RBFOX3: variants seen among roughly 807,000 people sequenced by gnomAD.
The protein encoded by RBFOX3 is RNA binding fox-1 homolog 3.
In RBFOX3, 17 loss-of-function variants were observed where a neutral mutation model predicts 48.7. The ratio of observed to expected loss-of-function variants is 0.35; its 90% CI spans 0.24 to 0.52. RBFOX3 has a LOEUF of 0.52. RBFOX3 is among the 20% of genes least tolerant of loss of function. The pLI is 0.94. For synonymous variants in RBFOX3, 212 were observed against 209.5 expected, an observed-to-expected ratio of 1.01 and a Z score of -0.10; for missense variants, 382 against 497.5, an observed-to-expected ratio of 0.77 and a Z score of 2.21.
upstream of RBFOX3, among the ~76,000 whole-genome samples, chr17:79,611,169 T>TCTCTCTCTCTCTCTCTCCTCTCTCG: frequency 1.2e-4 from 3 of 25,908 alleles, no homozygotes; most frequent in Non-Finnish European, 2.4e-4. Context: ...TCTCTCTCTC[T>TCTCTCTCTCTCTCTCTCCTCTCTCG]CTCTCCGCCC....
chr17:79,163,341 G>A (rs946814324), intron 4 of RBFOX3, among the ~76,000 whole-genome samples: 1 of 152,216 alleles, frequency 6.6e-6, no homozygotes, highest in African/African-American at 2.4e-5. Context: ...TGTCAAGAGG[G>A]GAGGTGTGGA....
chr17:79,181,329 G>C (rs949363419), intron 4 of RBFOX3, among the ~76,000 whole-genome samples: 17 of 152,236 alleles, frequency 1.1e-4, no homozygotes, highest in Non-Finnish European at 2.2e-4. Context: ...CTGTACAGCA[G>C]ATCTGTCCCC....
chr17:79,662,905 C>A, the RBFOX3 span, among the ~76,000 whole-genome samples: 1 of 152,196 alleles, frequency 6.6e-6, no homozygotes, highest in East Asian at 1.9e-4. Context: ...TCTCTCTTCT[C>A]CCCGCTCCAG....
At chr17:79,271,463 C>G (rs941818177) in intron 3 of RBFOX3, among the ~76,000 whole-genome samples, 1 of 152,198 alleles carries the variant, frequency 6.6e-6, no homozygotes, top group Non-Finnish European at 1.5e-5. Flanking sequence ...TCCCTGTGTG[C>G]CTGCCGGACT....
chr17:79,346,494 T>C (rs1226581035), intron 2 of RBFOX3, among the ~76,000 whole-genome samples: 1 of 152,234 alleles, frequency 6.6e-6, no homozygotes, highest in Non-Finnish European at 1.5e-5. Context: ...TAGGTAATCT[T>C]AATTACCATA....
chr17:79,497,559 G>A (rs2081733453), intron 1 of RBFOX3, among the ~76,000 whole-genome samples: 1 of 152,172 alleles, frequency 6.6e-6, no homozygotes, highest in African/African-American at 2.4e-5. Context: ...GAAGCCACCG[G>A]TGTCCACACA....
At chr17:79,387,587 C>A (rs2060732917) in intron 2 of RBFOX3, among the ~76,000 whole-genome samples, 1 of 152,226 alleles carries the variant, frequency 6.6e-6, no homozygotes, top group Non-Finnish European at 1.5e-5. Context: ...ACAGGCTTCT[C>A]CCCCAAGCCA....
At chr17:79,652,594 G>GAGGAGAGGAGAGGAAAGGAGAGGAA in the RBFOX3 span, among the ~76,000 whole-genome samples, 2 of 23,908 alleles carry the variant, frequency 8.4e-5, 1 homozygote, top group Non-Finnish European at 1.4e-4. Flanking sequence ...GAGGAGAGGA[G>GAGGAGAGGAGAGGAAAGGAGAGGAA]AGGAGAGGAA....
chr17:79,104,649 G>A (rs1011394260), intron 6 of RBFOX3, among the ~76,000 whole-genome samples: 1 of 152,230 alleles, frequency 6.6e-6, no homozygotes, highest in Non-Finnish European at 1.5e-5. Flanking sequence ...GGGGGAGAGG[G>A]AGACAGAGGG....
chr17:79,176,822 GAGA>G (rs1387595289), intron 4 of RBFOX3, among the ~76,000 whole-genome samples: 1 of 152,206 alleles, frequency 6.6e-6, no homozygotes, highest in Non-Finnish European at 1.5e-5. Flanking sequence ...GGTGAAAAGG[GAGA>G]AGATTAAAAG....
At position 79,565,106 on chromosome 17, in the gene RBFOX3, T is replaced by C. The variant is rs1021661748; in HGVS notation, c.-320+45720A>G. Among the ~76,000 whole-genome samples the C allele has an allele frequency of 2.2e-4, 33 of 147,234 alleles. No homozygotes were observed. The South Asian group carries it at 7.4e-3, about 33-fold the overall frequency. On this transcript the variant is annotated intron_variant, in intron 1 of 14. Coordinates refer to ENST00000693108, the MANE Select transcript of RBFOX3 (RefSeq NM_001350451.2). ...AAGTAAAAACAGGGTACAGACTATA[T>C]ATAAATATCATTCTAATTTTATTTT...
chr17:79,521,667 A>C (rs2086121694), intron 1 of RBFOX3, among the ~76,000 whole-genome samples: 1 of 152,138 alleles, frequency 6.6e-6, no homozygotes, highest in African/African-American at 2.4e-5. Flanking sequence ...ATGCATAGAC[A>C]TATGAACTCA....
At chr17:79,521,974 G>C (rs1013942416) in intron 1 of RBFOX3, among the ~76,000 whole-genome samples, 1 of 152,188 alleles carries the variant, frequency 6.6e-6, no homozygotes, top group Admixed American at 6.5e-5. Flanking sequence ...CAGAGTGAGC[G>C]GCAAAGGAGG....
At chr17:79,620,345 A>T in the RBFOX3 span, among the ~76,000 whole-genome samples, 1 of 148,454 alleles carries the variant, frequency 6.7e-6, no homozygotes, top group Non-Finnish European at 1.5e-5. Context: ...ACAGACATGC[A>T]CACACACGGA....
chr17:79,211,297 C>T (rs1305678391), intron 4 of RBFOX3, among the ~76,000 whole-genome samples: 1 of 152,228 alleles, frequency 6.6e-6, no homozygotes, highest in African/African-American at 2.4e-5. Context: ...ACACGGCAGC[C>T]TGTGCCTCTG....
At chr17:79,611,183 TTCTCTCTCTCTC>T (rs1196349028), upstream of RBFOX3, among the ~76,000 whole-genome samples, 1 of 41,476 alleles carries the variant, frequency 2.4e-5, no homozygotes, top group Non-Finnish European at 3.9e-5. Context: ...TCCGCCCTCC[TTCTCTCTCTCTC>T]TCTCTCTCTC....
At chr17:79,241,480 C>A (rs993514135) in intron 3 of RBFOX3, among the ~76,000 whole-genome samples, 1 of 152,098 alleles carries the variant, frequency 6.6e-6, no homozygotes, top group Non-Finnish European at 1.5e-5. Context: ...AAAAATGGGG[C>A]CTGTCCTGGT....
chr17:79,536,759 C>T (rs1323268457), intron 1 of RBFOX3, among the ~76,000 whole-genome samples: 1 of 152,192 alleles, frequency 6.6e-6, no homozygotes, highest in Non-Finnish European at 1.5e-5. Context: ...TTGTGGCTGC[C>T]GTAACAAATC....
intron 4 of RBFOX3, among the ~76,000 whole-genome samples, chr17:79,215,240 A>C (rs1185716130): frequency 2.0e-5 from 3 of 151,396 alleles, no homozygotes; most frequent in African/African-American, 7.4e-5. Context: ...GCCCTCGTGC[A>C]GCTCTGAGCT....
Sources: allele counts gnomAD v4.1 joint callset (sites outside exome capture counted in the v4.1 genomes callset), GRCh38; gene constraint gnomAD v4.1.1; transcripts MANE v1.5; gene names NCBI Gene and HGNC (gene_info 2026-07-23, HGNC 2026-07-21).